KLHL6: variants seen among roughly 807,000 people sequenced by gnomAD.
KLHL6 encodes the protein kelch-like protein 6.
A neutral mutation model predicts 58.6 loss-of-function variants in KLHL6; 41 were observed. That is an observed-to-expected ratio of 0.70 (90% CI 0.55 to 0.91). The LOEUF (loss-of-function observed/expected upper bound fraction) is 0.91, where lower values mean the gene tolerates loss of function less well. Ranked by LOEUF, KLHL6 falls within the 40% of genes least tolerant of loss-of-function variation. KLHL6 has a pLI of 0.00. For synonymous variants in KLHL6, 338 were observed against 322.7 expected, an observed-to-expected ratio of 1.05 and a Z score of -0.51; for missense variants, 714 against 805.6, an observed-to-expected ratio of 0.89 and a Z score of 1.38.
intron 1 of KLHL6, among the ~76,000 whole-genome samples, chr3:183,550,902 C>G (rs537076727): frequency 6.6e-6 from 1 of 151,924 alleles, no homozygotes; most frequent in Non-Finnish European, 1.5e-5. Flanking sequence ...GGGTGGATCA[C>G]GAGGTCAGGA....
intron 2 of KLHL6, among the ~76,000 whole-genome samples, chr3:183,525,986 G>A (rs1043836029): frequency 2.0e-5 from 3 of 152,224 alleles, no homozygotes; most frequent in Admixed American, 2.0e-4. Context: ...AATTTGGAAT[G>A]GGAGTATGTT....
chr3:183,507,974 A>G, intron 3 of KLHL6, 85 bp downstream of exon 3: 1 of 1,230,172 alleles, frequency 8.1e-7, no homozygotes, highest in Non-Finnish European at 1.1e-6. Context: ...AGGATTTTTG[A>G]ATCCGCTTTG....
chr3:183,506,498 G>C (rs1051569856), intron 3 of KLHL6, among the ~76,000 whole-genome samples: 1 of 152,128 alleles, frequency 6.6e-6, no homozygotes, highest in Non-Finnish European at 1.5e-5. Context: ...TGCAGCAGTT[G>C]GTGCTGTGAT....
In KLHL6 at chr3:183,494,358, C is replaced by T; in HGVS notation, c.1148-77G>A. Reference sequence around the variant, plus strand: ...GCTTCTCCCATAATATCCCACATGTCCAAAAGTGCCAGGTCCCCAGGCCAG... The same window carrying T: ...GCTTCTCCCATAATATCCCACATGTTCAAAAGTGCCAGGTCCCCAGGCCAG... On this transcript the variant is annotated intron_variant, in intron 4 of 6. Coordinates refer to ENST00000341319, the MANE Select transcript of KLHL6 (RefSeq NM_130446.4). 3 of 1,272,240 alleles carry T rather than the reference C, an allele frequency of 2.4e-6. No homozygotes were observed. In the South Asian group the frequency reaches 3.7e-5, roughly 16 times the overall value. The allele number at this position is 1,272,240 out of a possible 1,614,324, so 78.8% of individuals were successfully genotyped here.
intron 4 of KLHL6, among the ~76,000 whole-genome samples, chr3:183,497,033 C>G (rs566953170): frequency 2.0e-5 from 3 of 152,184 alleles, no homozygotes; most frequent in African/African-American, 7.2e-5. Flanking sequence ...AATCCCAGCA[C>G]TTTGGGAGAC....
chr3:183,494,100 G>C lies in KLHL6; in HGVS notation c.1329C>G (p.Pro443=). ...QRINNVETYD[P]FHNCWSEAAP... is the part of the protein sequence containing the mutation. ...ATACCTCTGACCAGCAGTTGTGAAAGGGGTCGTAGGTCTCCACATTGTTGA... is the reference window on the plus strand; with the variant it reads ...ATACCTCTGACCAGCAGTTGTGAAACGGGTCGTAGGTCTCCACATTGTTGA... The change falls in exon 5 of 7, where the codon CCC becomes CCG. Residue 443 remains proline, a synonymous_variant. Coordinates refer to ENST00000341319, the MANE Select transcript of KLHL6 (RefSeq NM_130446.4). 1 of 1,614,162 alleles carries C rather than the reference G, an allele frequency of 6.2e-7. No homozygotes were observed. The highest frequency in any genetic ancestry group is 1.1e-5 in the South Asian group (1 of 91,076).
chr3:183,529,309 A>AAG (rs1016986218), intron 1 of KLHL6, among the ~76,000 whole-genome samples: 2 of 152,188 alleles, frequency 1.3e-5, no homozygotes, highest in African/African-American at 4.8e-5. Flanking sequence ...AAGTTTAAAA[A>AAG]AGAGAGATAT....
Position 183,527,910 on chromosome 3 carries a change from T to A in KLHL6, c.394A>T (p.Thr132Ser). 1 of 1,614,102 alleles carries A rather than the reference T, an allele frequency of 6.2e-7. No individual in the cohort carries two copies. The highest frequency in any genetic ancestry group is 8.5e-7 in the Non-Finnish European group (1 of 1,180,014). The stretch of plus-strand genomic sequence containing the variant: ...TGCTTGGTGATCAGCGCCTTGCTGG[T>A]GTACGTGTAGTCCAACAGAGTGTGC... ...TMHTLLDYTYTSKALITKQNV... is the reference protein window; with the variant it reads ...TMHTLLDYTYSSKALITKQNV... Residue 132 changes from threonine to serine, a missense_variant, in exon 2 of 7, where the codon ACC becomes TCC. Thr to Ser is a moderately conservative substitution (Grantham distance 58). Around this residue, in one of 2 missense-constraint regions of KLHL6, gnomAD observed 204 missense variants for 175.9 expected, o/e 1.16. Coordinates refer to ENST00000341319, the MANE Select transcript of KLHL6 (RefSeq NM_130446.4).
At chr3:183,554,816 C>A (rs77415577) in intron 1 of KLHL6, among the ~76,000 whole-genome samples, 1 of 152,154 alleles carries the variant, frequency 6.6e-6, no homozygotes, top group Admixed American at 6.5e-5. Flanking sequence ...AGAATGTAAG[C>A]ATTGCTTTTA....
chr3:183,492,132 G>T lies in KLHL6; in HGVS notation c.1661C>A (p.Ala554Glu). The T allele has an allele frequency of 6.2e-7, 1 of 1,613,718 alleles. No individual in the cohort carries two copies. Among genetic ancestry groups the T allele is most frequent in the African/African-American group, 1.3e-5 (1 of 75,038 alleles). Residue 554 changes from alanine to glutamate, a missense_variant, in exon 7 of 7, where the codon GCG becomes GAG. Ala to Glu is a moderately radical substitution (Grantham distance 107, BLOSUM62 -1). Around this residue, in one of 2 missense-constraint regions of KLHL6, gnomAD observed 510 missense variants for 629.7 expected, o/e 0.81. Transcript: ENST00000341319. This position sits in a 1 kb window ranked among gnomAD's most constrained non-coding sequence, Gnocchi z 5.9. Reference protein sequence around the residue: ...LSHERASCGIAPCNNRLYITG... With the variant: ...LSHERASCGIEPCNNRLYITG... ...GATGTAGAGCCGGTTGTTGCAGGGC[G>T]CGATACCGCAGCTGGCCCGCTCGTG...
chr3:183,531,843 G>T (rs1419131701), intron 1 of KLHL6, among the ~76,000 whole-genome samples: 1 of 152,178 alleles, frequency 6.6e-6, no homozygotes, highest in Non-Finnish European at 1.5e-5. Context: ...TGTTCCACAG[G>T]TTCACAGCTG....
intron 4 of KLHL6, among the ~76,000 whole-genome samples, chr3:183,497,960 G>A (rs1292932888): frequency 6.6e-6 from 1 of 152,184 alleles, no homozygotes; most frequent in Non-Finnish European, 1.5e-5. Flanking sequence ...TTAAGGCCGG[G>A]CGCAGTGGCT....
At chr3:183,502,675 C>G (rs1376685601) in intron 3 of KLHL6, among the ~76,000 whole-genome samples, 2 of 152,186 alleles carry the variant, frequency 1.3e-5, no homozygotes, top group African/African-American at 4.8e-5. Context: ...GCCAACAGTA[C>G]AGTAAGTGTG....
At chr3:183,549,548 G>A (rs1353549506) in intron 1 of KLHL6, among the ~76,000 whole-genome samples, 32 of 152,130 alleles carry the variant, frequency 2.1e-4, no homozygotes, top group Non-Finnish European at 2.2e-4. Context: ...TTGCTCTGTT[G>A]CCCCGGCTGG....
At chr3:183,554,586 C>T (rs1217538578) in intron 1 of KLHL6, among the ~76,000 whole-genome samples, 1 of 152,106 alleles carries the variant, frequency 6.6e-6, no homozygotes, top group East Asian at 1.9e-4. Flanking sequence ...AACTGCTTTC[C>T]CTTTCCCCAC....
At chr3:183,498,356 G>A (rs930905716) in intron 4 of KLHL6, among the ~76,000 whole-genome samples, 8 of 152,178 alleles carry the variant, frequency 5.3e-5, no homozygotes, top group African/African-American at 1.9e-4. Context: ...ACACGCTCTG[G>A]GGTCCAGCTT....
chr3:183,495,955 G>A (rs2686428), intron 4 of KLHL6, among the ~76,000 whole-genome samples: 39,826 of 151,982 alleles, frequency 0.26, 6,007 homozygotes, highest in African/African-American at 0.41. Context: ...TTTGGATAAA[G>A]ATTAAGTTAG....
At chr3:183,511,079 T>G (rs191324520) in intron 2 of KLHL6, among the ~76,000 whole-genome samples, 1 of 152,092 alleles carries the variant, frequency 6.6e-6, no homozygotes, top group Non-Finnish European at 1.5e-5. Context: ...CCGGCACCAG[T>G]CTCTGAGTTC....
At chr3:183,518,560 C>T (rs554759328) in intron 2 of KLHL6, among the ~76,000 whole-genome samples, 114 of 152,252 alleles carry the variant, frequency 7.5e-4, no homozygotes, top group African/African-American at 2.6e-3. Context: ...AACCCCACAC[C>T]CCACTTCCTG....
Sources: gnomAD v4.1 joint callset for allele counts (sites outside exome capture counted in the v4.1 genomes callset) on GRCh38, gnomAD v4.1.1 for gene constraint, gnomAD v4.1.1 regional missense constraint, Gnocchi (gnomAD v3.1) non-coding constraint, MANE v1.5 for transcripts, NCBI Gene and HGNC (gene_info 2026-07-23, HGNC 2026-07-21) for gene names.